Variants in ACTR3C observed in about 807,000 individuals in gnomAD.
ACTR3C encodes the protein actin related protein 3C.
A neutral mutation model predicts 26.3 loss-of-function variants in ACTR3C; 18 were observed. The ratio of observed to expected loss-of-function variants is 0.68; its 90% CI spans 0.47 to 1.01. ACTR3C has a LOEUF of 1.01. Ranked by LOEUF, ACTR3C falls within the 50% of genes least tolerant of loss-of-function variation. The pLI, the probability that ACTR3C is intolerant of heterozygous loss-of-function variation, is 0.00. For synonymous variants in ACTR3C, 55 were observed against 94.5 expected (o/e 0.58, Z 2.42); for missense variants, 184 against 250.7 (o/e 0.73, Z 1.80).
the ACTR3C span, among the ~76,000 whole-genome samples, chr7:150,198,792 C>T: frequency 7.1e-5 from 9 of 125,944 alleles, no homozygotes; most frequent in African/African-American, 2.3e-4. Context: ...CCGTGCCGTC[C>T]GGGAGGGAGG....
chr7:149,948,245 A>C, the ACTR3C span, among the ~76,000 whole-genome samples: 1 of 107,278 alleles, frequency 9.3e-6, no homozygotes, highest in Non-Finnish European at 1.8e-5. Flanking sequence ...AGAAAATTAA[A>C]GCCTTCTAGT....
At chr7:149,909,240 C>T in the ACTR3C span, among the ~76,000 whole-genome samples, 1 of 138,316 alleles carries the variant, frequency 7.2e-6, no homozygotes, top group Non-Finnish European at 1.5e-5. Flanking sequence ...ACAATAAAAA[C>T]AGTCATCAGG....
the ACTR3C span, among the ~76,000 whole-genome samples, chr7:150,210,594 A>G: frequency 1.2e-4 from 18 of 148,408 alleles, 2 homozygotes; most frequent in African/African-American, 4.8e-4. Context: ...ATCTCAACAT[A>G]ATTATACTTA....
At chr7:150,100,767 G>A in the ACTR3C span, among the ~76,000 whole-genome samples, 7 of 151,090 alleles carry the variant, frequency 4.6e-5, 1 homozygote, top group South Asian at 2.1e-4. Context: ...GCAGTGGTGC[G>A]ATCTTGGCTC....
the ACTR3C span, chr7:150,001,928 T>G: frequency 0.13 from 20,470 of 152,034 alleles, 1,692 homozygotes; most frequent in South Asian, 0.2. Flanking sequence ...AGGCAGGAAG[T>G]GACCTTTGGA....
At chr7:150,076,381 CATATAA>C in the ACTR3C span, among the ~76,000 whole-genome samples, 3 of 152,162 alleles carry the variant, frequency 2.0e-5, no homozygotes, top group Admixed American at 2.0e-4. Context: ...ATGATGCTCA[CATATAA>C]ATATATCTAC....
the ACTR3C span, among the ~76,000 whole-genome samples, chr7:149,911,426 A>G: frequency 4.8e-4 from 73 of 152,192 alleles, no homozygotes; most frequent in Non-Finnish European, 9.0e-4. Context: ...TCATGGTTAT[A>G]TCTACACCCC....
the ACTR3C span, among the ~76,000 whole-genome samples, chr7:150,044,004 G>A: frequency 6.6e-6 from 1 of 152,170 alleles, no homozygotes; most frequent in Non-Finnish European, 1.5e-5. Flanking sequence ...GACATCATGG[G>A]TGGTGATTTG....
At chr7:150,032,552 T>C in the ACTR3C span, among the ~76,000 whole-genome samples, 8 of 152,152 alleles carry the variant, frequency 5.3e-5, no homozygotes, top group African/African-American at 1.9e-4. Context: ...TGTCTTCCTC[T>C]CTCGTTAGGA....
the ACTR3C span, among the ~76,000 whole-genome samples, chr7:149,921,337 T>C: frequency 3.0e-4 from 46 of 152,210 alleles, no homozygotes; most frequent in African/African-American, 1.1e-3. Flanking sequence ...CCTACCGTGG[T>C]CTACGTAATT....
chr7:150,082,191 G>C, the ACTR3C span, among the ~76,000 whole-genome samples: 25 of 152,284 alleles, frequency 1.6e-4, no homozygotes, highest in African/African-American at 6.0e-4. Flanking sequence ...ACTCCACAAA[G>C]AGTTGTCTTC....
chr7:149,946,996 T>C, the ACTR3C span, among the ~76,000 whole-genome samples: 2 of 151,104 alleles, frequency 1.3e-5, no homozygotes, highest in African/African-American at 4.9e-5. Context: ...TGCTGGAACT[T>C]TCCCGGTGGT....
the ACTR3C span, among the ~76,000 whole-genome samples, chr7:150,050,297 C>G: frequency 2.0e-5 from 3 of 152,256 alleles, no homozygotes; most frequent in East Asian, 5.8e-4. Context: ...ATACAAAATA[C>G]AATACTTATG....
the ACTR3C span, among the ~76,000 whole-genome samples, chr7:150,161,612 A>G: frequency 2.0e-5 from 3 of 152,066 alleles, no homozygotes; most frequent in Non-Finnish European, 4.4e-5. Context: ...CCAGTCTATC[A>G]TTGTTGGACA....
At chr7:150,199,399 T>C in the ACTR3C span, among the ~76,000 whole-genome samples, 1 of 110,964 alleles carries the variant, frequency 9.0e-6, no homozygotes, top group Non-Finnish European at 1.8e-5. Flanking sequence ...AACAGATGCT[T>C]GAAGGCAGCA....
rs943526422 is a variant in ACTR3C, at chr7:150,270,807, A to G, written c.564+13946T>C. 5.9e-4 allele frequency among the ~76,000 whole-genome samples: 89 copies of G among 151,750 alleles called. 1 individual carries two copies. The highest frequency in any genetic ancestry group is 1.1e-3 in the Non-Finnish European group (78 of 67,992). ...CTTTCCTTGGCACTGCTCACCGTCT[A>G]GCTGCCCATCACATGTCCCAAGACA... On this transcript the variant is annotated intron_variant, in intron 6 of 7. Transcript: ENST00000683684.
chr7:150,266,471 A>C (rs1431273026), intron 6 of ACTR3C, among the ~76,000 whole-genome samples: 2 of 151,856 alleles, frequency 1.3e-5, no homozygotes, highest in Admixed American at 6.5e-5. Context: ...AAAAGCACAA[A>C]ATTTCTTTGA....
downstream of ACTR3C, among the ~76,000 whole-genome samples, chr7:150,241,424 T>C (rs1483451089): frequency 2.0e-5 from 3 of 152,174 alleles, no homozygotes; most frequent in Non-Finnish European, 4.4e-5. Flanking sequence ...AAGGAAAGCA[T>C]ATAACAAATT....
At chr7:149,911,161 C>A in the ACTR3C span, among the ~76,000 whole-genome samples, 1 of 151,756 alleles carries the variant, frequency 6.6e-6, no homozygotes, top group African/African-American at 2.4e-5. Flanking sequence ...AATTCCAGAT[C>A]CTTCCCAATT....
Sources: allele counts gnomAD v4.1 joint callset (sites outside exome capture counted in the v4.1 genomes callset), GRCh38; gene constraint gnomAD v4.1.1; transcripts MANE v1.5; gene names NCBI Gene and HGNC (gene_info 2026-07-23, HGNC 2026-07-21).